Variants in USH2A observed in about 807,000 individuals in gnomAD.
USH2A encodes usherin, also known as Usher syndrome 2A (autosomal recessive, mild).
In USH2A, 443 loss-of-function variants were observed where a neutral mutation model predicts 538.9. The ratio of observed to expected loss-of-function variants is 0.82; its 90% CI spans 0.76 to 0.89. The LOEUF is 0.89. Among genes scored for constraint, USH2A ranks in the 40% least tolerant of loss-of-function variants. USH2A has a pLI of 0.00. For missense variants in USH2A, 6,633 were observed against 6,324.8 expected (o/e 1.05, Z -1.65); for synonymous variants, 2,413 against 2,273.5 (o/e 1.06, Z -1.75).
Position 215,685,419 on chromosome 1 carries a change from G to A in USH2A, c.12067-5043C>T, listed in dbSNP as rs192207120. 1.2e-4 allele frequency among the ~76,000 whole-genome samples: 18 copies of A among 150,550 alleles called. No individual in the cohort carries two copies. The South Asian group carries it at 2.1e-3, about 18-fold the overall frequency. ...GCTGAAATGCAAGGAGTACAATGGC[G>A]CAATCTCAGCTCACTGCAACTTCCG... On this transcript the variant is annotated intron_variant, in intron 61 of 71. Coordinates refer to ENST00000307340, the MANE Select transcript of USH2A (RefSeq NM_206933.4).
rs143652859 is a variant in USH2A, at chr1:216,101,643, G to C, written c.4628-4430C>G. On this transcript the variant is annotated intron_variant, in intron 21 of 71. Transcript: ENST00000307340. Reference sequence around the variant, plus strand: ...AATGTTTGTGTTAAGCTGAAACACTGACTAAAATGGGCAGACAAGTGAAAA... The same window carrying C: ...AATGTTTGTGTTAAGCTGAAACACTCACTAAAATGGGCAGACAAGTGAAAA... Among the ~76,000 whole-genome samples the C allele has an allele frequency of 5.9e-5, 9 of 152,318 alleles. No homozygotes were observed. The East Asian group carries it at 1.7e-3, about 29-fold the overall frequency.
intron 47 of USH2A, among the ~76,000 whole-genome samples, chr1:215,829,327 G>A (rs987548154): frequency 1.2e-4 from 18 of 152,098 alleles, no homozygotes; most frequent in Admixed American, 8.5e-4. Flanking sequence ...CAAAAACAAG[G>A]CATAAGTTAA....
chr1:216,036,764 G>A (rs534612370), intron 32 of USH2A, among the ~76,000 whole-genome samples: 62 of 152,182 alleles, frequency 4.1e-4, no homozygotes, highest in African/African-American at 1.3e-3. Flanking sequence ...CTTTCTGGAA[G>A]ACAGGAATTT....
intron 43 of USH2A, 68 bp from the exon 44 acceptor site, chr1:215,867,238 CTTT>C (rs978186512): frequency 2.0e-6 from 3 of 1,528,962 alleles, no homozygotes; most frequent in Non-Finnish European, 2.7e-6. Flanking sequence ...CAAATAATTT[CTTT>C]TTTTCTTCAC....
chr1:216,130,970 ATTATTTTT>A (rs1285674584), intron 21 of USH2A, among the ~76,000 whole-genome samples: 1 of 151,694 alleles, frequency 6.6e-6, no homozygotes, highest in East Asian at 1.9e-4. Context: ...TTCAACATCT[ATTATTTTT>A]TTATTTTTTT....
chr1:215,658,265 T>TC (rs1403157290), intron 64 of USH2A, among the ~76,000 whole-genome samples: 1 of 151,884 alleles, frequency 6.6e-6, no homozygotes, highest in Non-Finnish European at 1.5e-5. Context: ...TTTTTTTTTT[T>TC]CTTATATCTG....
intron 3 of USH2A, among the ~76,000 whole-genome samples, chr1:216,394,854 G>A (rs1419728019): frequency 6.6e-6 from 1 of 151,372 alleles, no homozygotes; most frequent in Non-Finnish European, 1.5e-5. Context: ...AAGTAGCTGG[G>A]ACTACAGGCG....
chr1:216,004,148 G>C (rs917556466), intron 32 of USH2A, among the ~76,000 whole-genome samples: 1 of 152,170 alleles, frequency 6.6e-6, no homozygotes, highest in African/African-American at 2.4e-5. Context: ...TTAGACATTT[G>C]CTATGTTAGT....
At chr1:216,353,617 T>C (rs1348154974) in intron 4 of USH2A, among the ~76,000 whole-genome samples, 1 of 152,104 alleles carries the variant, frequency 6.6e-6, no homozygotes, top group East Asian at 1.9e-4. Context: ...ACCTTTTTTG[T>C]TCAGAGTCAG....
chr1:216,025,734 T>A (rs1259947308), intron 32 of USH2A, among the ~76,000 whole-genome samples: 1 of 152,052 alleles, frequency 6.6e-6, no homozygotes, highest in East Asian at 1.9e-4. Flanking sequence ...AAACCATGCT[T>A]AACTTTATAG....
chr1:216,371,453 T>C (rs1222860815), intron 3 of USH2A, among the ~76,000 whole-genome samples: 1 of 152,212 alleles, frequency 6.6e-6, no homozygotes, highest in Non-Finnish European at 1.5e-5. Flanking sequence ...TTTTTGGCAA[T>C]GACATCATGC....
chr1:216,335,116 A>G (rs1035007274), intron 4 of USH2A, among the ~76,000 whole-genome samples: 21 of 151,758 alleles, frequency 1.4e-4, no homozygotes. Context: ...TTGGATCACA[A>G]TAGAAAAAAT....
chr1:216,141,234 C>T (rs1386284531), intron 21 of USH2A, among the ~76,000 whole-genome samples: 3 of 152,116 alleles, frequency 2.0e-5, no homozygotes, highest in South Asian at 2.1e-4. Context: ...CGTTAATCTC[C>T]GAAGAAAACA....
chr1:215,660,342 T>C (rs1657403542), intron 64 of USH2A, among the ~76,000 whole-genome samples: 1 of 152,180 alleles, frequency 6.6e-6, no homozygotes, highest in African/African-American at 2.4e-5. Context: ...AAATAAATAA[T>C]AGTGATTACT....
At chr1:216,366,515 A>G (rs2102710572) in intron 3 of USH2A, among the ~76,000 whole-genome samples, 1 of 152,232 alleles carries the variant, frequency 6.6e-6, no homozygotes, top group South Asian at 2.1e-4. Flanking sequence ...TAATTAATGA[A>G]GATAAACATT....
chr1:216,084,145 G>A lies in USH2A; in HGVS notation c.5167+553C>T, dbSNP rs1172849659. 2.0e-5 allele frequency among the ~76,000 whole-genome samples: 3 copies of A among 151,896 alleles called. No homozygotes were observed. In the East Asian group the frequency reaches 5.8e-4, roughly 29 times the overall value. The stretch of plus-strand genomic sequence containing the variant: ...TGCTCTGATCAGGCAGAGACTCAAT[G>A]TGCATGCATGTCAGGGGTAAGCTAC... On this transcript the variant is annotated intron_variant, in intron 25 of 71. Transcript: ENST00000307340.
intron 20 of USH2A, among the ~76,000 whole-genome samples, chr1:216,183,132 C>G (rs1558303111): frequency 6.6e-6 from 1 of 152,070 alleles, no homozygotes; most frequent in Non-Finnish European, 1.5e-5. Flanking sequence ...CTTCAATTTA[C>G]AAAGCTGGGC....
At chr1:215,791,861 C>A (rs1347525198) in intron 50 of USH2A, among the ~76,000 whole-genome samples, 5 of 151,968 alleles carry the variant, frequency 3.3e-5, no homozygotes, top group African/African-American at 7.3e-5. Context: ...TATACACACA[C>A]AAATACATAT....
At chr1:216,382,252 T>A (rs1057074596) in intron 3 of USH2A, among the ~76,000 whole-genome samples, 1 of 152,186 alleles carries the variant, frequency 6.6e-6, no homozygotes. Context: ...GATGAGTGCA[T>A]GTCTACTCAG....
Sources: allele counts gnomAD v4.1 joint callset (sites outside exome capture counted in the v4.1 genomes callset), GRCh38; gene constraint gnomAD v4.1.1; transcripts MANE v1.5; gene names NCBI Gene and HGNC (gene_info 2026-07-23, HGNC 2026-07-21).